MYRIP: variants seen among roughly 807,000 people sequenced by gnomAD.
The protein encoded by MYRIP is myosin VIIA and Rab interacting protein.
In MYRIP, 49 loss-of-function variants were observed where a neutral mutation model predicts 98.0. That is an observed-to-expected ratio of 0.50 (90% CI 0.40 to 0.63). The LOEUF is 0.63. MYRIP is among the 30% of genes least tolerant of loss of function. MYRIP has a pLI of 0.00. For missense variants in MYRIP, 1,004 were observed against 1,058.2 expected, an observed-to-expected ratio of 0.95 and a Z score of 0.71; for synonymous variants, 404 against 409.5, an observed-to-expected ratio of 0.99 and a Z score of 0.16.
intron 1 of MYRIP, among the ~76,000 whole-genome samples, chr3:39,852,334 A>G (rs1942153723): frequency 6.6e-6 from 1 of 152,198 alleles, no homozygotes; most frequent in Non-Finnish European, 1.5e-5. Flanking sequence ...GGCAGGGAGT[A>G]CAACCAGACC....
chr3:39,929,631 C>G (rs1466495729), intron 2 of MYRIP, among the ~76,000 whole-genome samples: 1 of 152,000 alleles, frequency 6.6e-6, no homozygotes, highest in African/African-American at 2.4e-5. Context: ...AAAAGTCACC[C>G]TTTTAAAGTG....
intron 3 of MYRIP, among the ~76,000 whole-genome samples, chr3:40,121,457 T>C (rs531722476): frequency 6.6e-6 from 1 of 152,160 alleles, no homozygotes; most frequent in African/African-American, 2.4e-5. Flanking sequence ...GGATTTTTTT[T>C]TTCACTCTTC....
chr3:40,112,413 G>C (rs1041163352), intron 3 of MYRIP, among the ~76,000 whole-genome samples: 1 of 152,126 alleles, frequency 6.6e-6, no homozygotes, highest in Non-Finnish European at 1.5e-5. Flanking sequence ...TGGAAGGAAT[G>C]AATTATTGAA....
intron 2 of MYRIP, among the ~76,000 whole-genome samples, chr3:39,960,599 A>G (rs1463271603): frequency 6.6e-6 from 1 of 152,150 alleles, no homozygotes; most frequent in Non-Finnish European, 1.5e-5. Context: ...AGACAGCACT[A>G]TTTCTACAGT....
chr3:39,850,079 T>C (rs1039193160), intron 1 of MYRIP, among the ~76,000 whole-genome samples: 2 of 152,060 alleles, frequency 1.3e-5, no homozygotes, highest in African/African-American at 4.8e-5. Context: ...AGAGTATGAG[T>C]GTGTGTCTCA....
At chr3:40,152,317 C>T (rs955539714) in intron 4 of MYRIP, among the ~76,000 whole-genome samples, 1 of 152,170 alleles carries the variant, frequency 6.6e-6, no homozygotes, top group Non-Finnish European at 1.5e-5. Context: ...TCCTCTTTTC[C>T]TCTCTTGTAC....
At position 40,189,969 on chromosome 3, in the gene MYRIP, G is replaced by A. The variant is rs147537031; in HGVS notation, c.1171G>A (p.Asp391Asn). 170 of 1,614,000 alleles carry A rather than the reference G, an allele frequency of 1.1e-4. 1 individual carries two copies. The highest frequency in any genetic ancestry group is 6.6e-4 in the Middle Eastern group (4 of 6,084). Reference protein sequence around the residue: ...EVASSVASAYDEMGSDSEEDF... With the variant: ...EVASSVASAYNEMGSDSEEDF... Reference sequence around the variant, plus strand: ...GGCCTCCAGTGTGGCATCTGCCTACGATGAGATGGGCTCCGATAGCGAGGA... The same window carrying A: ...GGCCTCCAGTGTGGCATCTGCCTACAATGAGATGGGCTCCGATAGCGAGGA... Residue 391 changes from aspartate (D) to asparagine (N), a missense_variant, in exon 10 of 17, where the codon GAT becomes AAT. By Grantham distance (23) the Asp-to-Asn change is conservative. Coordinates refer to ENST00000302541, the MANE Select transcript of MYRIP (RefSeq NM_015460.4).
At chr3:39,912,116 C>T (rs1265946281) in intron 2 of MYRIP, among the ~76,000 whole-genome samples, 2 of 152,164 alleles carry the variant, frequency 1.3e-5, no homozygotes, top group Admixed American at 6.5e-5. Flanking sequence ...TGCTCACCTT[C>T]CCCCTGCTGG....
chr3:40,108,881 A>T (rs558155168), intron 3 of MYRIP, among the ~76,000 whole-genome samples: 3 of 152,184 alleles, frequency 2.0e-5, no homozygotes, highest in East Asian at 3.9e-4. Flanking sequence ...TCAGATGCAA[A>T]CCAACCAGTC....
intron 2 of MYRIP, among the ~76,000 whole-genome samples, chr3:39,989,802 C>A (rs1346830048): frequency 1.3e-5 from 2 of 152,240 alleles, no homozygotes; most frequent in Non-Finnish European, 2.9e-5. Context: ...TCTGCCACAG[C>A]CATTGTGTTG....
chr3:39,875,451 C>A (rs1339137638), intron 1 of MYRIP, among the ~76,000 whole-genome samples: 2 of 151,556 alleles, frequency 1.3e-5, no homozygotes, highest in Non-Finnish European at 2.9e-5. Flanking sequence ...AATTTTGGAT[C>A]TTTCCTGCTT....
chr3:39,979,653 A>C (rs1014986057), intron 2 of MYRIP, among the ~76,000 whole-genome samples: 12 of 139,124 alleles, frequency 8.6e-5, no homozygotes, highest in Non-Finnish European at 1.4e-4. Flanking sequence ...ACCAAAACAA[A>C]ACAAAAAAAA....
At chr3:40,033,689 A>G (rs6769532) in intron 2 of MYRIP, among the ~76,000 whole-genome samples, 75,418 of 152,082 alleles carry the variant, frequency 0.5, 20,427 homozygotes, top group East Asian at 0.67. Flanking sequence ...CAAGCTACCA[A>G]TGACTTTCTT....
At chr3:40,085,119 CTA>C (rs1948597815) in intron 3 of MYRIP, among the ~76,000 whole-genome samples, 1 of 145,796 alleles carries the variant, frequency 6.9e-6, no homozygotes, top group South Asian at 2.2e-4. Flanking sequence ...TAATATGTGT[CTA>C]TGTGTTATAT....
chr3:40,031,771 T>C (rs942627196), intron 2 of MYRIP, among the ~76,000 whole-genome samples: 1 of 152,176 alleles, frequency 6.6e-6, no homozygotes, highest in Non-Finnish European at 1.5e-5. Context: ...CTAGTTTATT[T>C]GCGTAGAGGT....
At chr3:40,034,358 A>T (rs1249245534) in intron 2 of MYRIP, among the ~76,000 whole-genome samples, 1 of 152,198 alleles carries the variant, frequency 6.6e-6, no homozygotes, top group Non-Finnish European at 1.5e-5. Context: ...TTTTCAGTGA[A>T]CTCAAACAAA....
At chr3:40,164,521 C>T (rs1393755802) in intron 5 of MYRIP, among the ~76,000 whole-genome samples, 3 of 152,146 alleles carry the variant, frequency 2.0e-5, no homozygotes, top group Non-Finnish European at 4.4e-5. Context: ...GGAGGGCAAC[C>T]CTTACATGAA....
In MYRIP at chr3:39,895,704, C is replaced by A. The variant is rs140008221; in HGVS notation, c.-30-5083C>A. On this transcript the variant is annotated intron_variant, in intron 1 of 16. Coordinates refer to ENST00000302541, the MANE Select transcript of MYRIP (RefSeq NM_015460.4). ...ATAAGAAAATTCATTTGGGTTTTTA[C>A]TTCTACCTTAGTAAAATGATTTTAA... 6.1e-3 allele frequency among the ~76,000 whole-genome samples: 930 copies of A among 152,212 alleles called. 3 individuals are homozygous for A. The highest frequency in any genetic ancestry group is 0.02 in the African/African-American group (837 of 41,538).
intron 2 of MYRIP, among the ~76,000 whole-genome samples, chr3:39,950,739 C>T (rs1425156538): frequency 6.6e-6 from 1 of 152,170 alleles, no homozygotes; most frequent in Non-Finnish European, 1.5e-5. Context: ...TAGACTCCAG[C>T]TTGATAACGG....
Sources: allele counts gnomAD v4.1 joint callset (sites outside exome capture counted in the v4.1 genomes callset), GRCh38; gene constraint gnomAD v4.1.1; transcripts MANE v1.5; gene names NCBI Gene and HGNC (gene_info 2026-07-23, HGNC 2026-07-21).